Variants in AAK1 observed in about 807,000 individuals in gnomAD.
AAK1 encodes the protein AP2-associated protein kinase 1.
In AAK1, 37 loss-of-function variants were observed where a neutral mutation model predicts 116.0. The observed-to-expected ratio is 0.32, with a 90% CI of 0.25 to 0.42. AAK1 has a LOEUF of 0.42. Among genes scored for constraint, AAK1 ranks in the 10% least tolerant of loss-of-function variants. AAK1 has a pLI of 1.00. For synonymous variants in AAK1, 458 were observed against 439.9 expected, an observed-to-expected ratio of 1.04 and a Z score of -0.51; for missense variants, 919 against 1,170.6, an observed-to-expected ratio of 0.79 and a Z score of 3.14.
At position 69,522,230 on chromosome 2, in the gene AAK1, GAATATTTCCAAAGCATGTTTTGTCAA is replaced by G. The variant is rs1228084102; in HGVS notation, c.1056-1268_1056-1243del. Among the ~76,000 whole-genome samples, 7 of 152,294 alleles carry G rather than the reference GAATATTTCCAAAGCATGTTTTGTCAA, an allele frequency of 4.6e-5. No individual in the cohort carries two copies. The East Asian group carries it at 1.3e-3, about 29-fold the overall frequency. On this transcript the variant is annotated intron_variant, in intron 10 of 21. Coordinates refer to ENST00000409085, the MANE Select transcript of AAK1 (RefSeq NM_014911.5). ...TTAGGCCAAAATTAATAAGTTTCAA[GAATATTTCCAAAGCATGTTTTGTCAA>G]AATATTTCCAAAACAGCCTCCATGA...
Position 69,507,510 on chromosome 2 carries a change from C to A in AAK1, c.2075G>T (p.Gly692Val), listed in dbSNP as rs1324924697. The A allele has an allele frequency of 6.2e-7, 1 of 1,612,552 alleles. No homozygotes were observed. Among genetic ancestry groups the A allele is most frequent in the Non-Finnish European group, 8.5e-7 (1 of 1,179,326 alleles). The change falls in exon 15 of 22, where the codon GGG (glycine) becomes GTG (valine). Residue 692 changes from glycine to valine, a missense_variant. Physicochemically the swap from Gly to Val is moderately radical, Grantham distance 109. Around this residue, in one of 4 missense-constraint regions of AAK1, gnomAD observed 125 missense variants for 184.1 expected, o/e 0.68. Coordinates refer to ENST00000409085, the MANE Select transcript of AAK1 (RefSeq NM_014911.5). ...GTCATCAAAGGGATTCCACGTAGAC[C>A]CTTCTGAAGGATTATAAACGTTTTG... is the stretch of plus-strand genomic sequence containing the variant. ...SQQNVYNPSE[G>V]STWNPFDDDN...
intron 2 of AAK1, among the ~76,000 whole-genome samples, chr2:69,575,811 T>C (rs1558974049): frequency 6.6e-6 from 1 of 152,156 alleles, no homozygotes; most frequent in East Asian, 1.9e-4. Context: ...AGTATTTCAG[T>C]ATTGATTTTT....
At chr2:69,513,842 G>C (rs139622951) in intron 13 of AAK1, among the ~76,000 whole-genome samples, 2 of 152,164 alleles carry the variant, frequency 1.3e-5, no homozygotes, top group African/African-American at 4.8e-5. Context: ...AAACTGTAGA[G>C]GACAATCAGA....
intron 16 of AAK1, among the ~76,000 whole-genome samples, chr2:69,501,587 A>C (rs1402285444): frequency 6.6e-6 from 1 of 152,258 alleles, no homozygotes; most frequent in Non-Finnish European, 1.5e-5. Flanking sequence ...AATTGTGAAG[A>C]AAAACTCACA....
At chr2:69,556,669 T>TC (rs1671398935) in intron 3 of AAK1, among the ~76,000 whole-genome samples, 191 bp downstream of exon 3, 6 of 152,176 alleles carry the variant, frequency 3.9e-5, no homozygotes, top group Admixed American at 3.9e-4. Flanking sequence ...AAATGCTTTT[T>TC]CCTCTGCCCT....
At chr2:69,514,893 A>AT in intron 12 of AAK1, 144 bp from the exon 13 acceptor site, 1 of 871,202 alleles carries the variant, frequency 1.1e-6, no homozygotes, top group Non-Finnish European at 1.7e-6. Context: ...CTAAAATCTC[A>AT]TGATAGAGAC....
chr2:69,528,224 G>A, intron 8 of AAK1, among the ~76,000 whole-genome samples: 1 of 152,240 alleles, frequency 6.6e-6, no homozygotes, highest in East Asian at 1.9e-4. Flanking sequence ...AGAGAAGTCT[G>A]AGTGGGTGGA....
At chr2:69,603,168 C>T (rs1673652765) in intron 2 of AAK1, among the ~76,000 whole-genome samples, 1 of 152,108 alleles carries the variant, frequency 6.6e-6, no homozygotes, top group African/African-American at 2.4e-5. Flanking sequence ...ACATCTTTTC[C>T]TGATTTTTAA....
chr2:69,525,464 G>A (rs577010300), intron 9 of AAK1, among the ~76,000 whole-genome samples: 28 of 152,320 alleles, frequency 1.8e-4, no homozygotes, highest in Admixed American at 2.6e-4. Flanking sequence ...GCTATGAAAG[G>A]AATGGGAAGG....
chr2:69,603,625 C>T (rs975614775), intron 2 of AAK1, among the ~76,000 whole-genome samples: 7 of 152,064 alleles, frequency 4.6e-5, no homozygotes, highest in Non-Finnish European at 1.0e-4. Flanking sequence ...CTATGAAGGG[C>T]TCTGTGTAGA....
At chr2:69,642,754 G>A in intron 2 of AAK1, 124 bp downstream of exon 2, 1 of 1,316,376 alleles carries the variant, frequency 7.6e-7, no homozygotes, top group South Asian at 1.3e-5. Flanking sequence ...GACTCACAGG[G>A]CAAGTGAAGG....
chr2:69,621,804 CTTAG>C (rs749547372), intron 2 of AAK1, among the ~76,000 whole-genome samples: 3 of 152,336 alleles, frequency 2.0e-5, no homozygotes, highest in East Asian at 1.9e-4. Flanking sequence ...CCATCTCACC[CTTAG>C]TTAGGCACTC....
intron 16 of AAK1, among the ~76,000 whole-genome samples, chr2:69,504,397 C>CA (rs57214954): frequency 0.014 from 804 of 57,472 alleles, 7 homozygotes; most frequent in East Asian, 0.084. Context: ...GACTCCATCT[C>CA]AAAAAAAAAA....
At chr2:69,482,165 A>G (rs1174781581) in intron 18 of AAK1, 2 of 162,838 alleles carry the variant, frequency 1.2e-5, no homozygotes, top group Admixed American at 1.2e-4. Context: ...CAGCCTGACC[A>G]ACATGGAGAA....
At chr2:69,597,159 G>C (rs1348169250) in intron 2 of AAK1, among the ~76,000 whole-genome samples, 2 of 151,950 alleles carry the variant, frequency 1.3e-5, no homozygotes, top group Admixed American at 1.3e-4. Flanking sequence ...GTTTTATAAG[G>C]CATTTATGGC....
At chr2:69,582,107 T>C (rs1400614281) in intron 2 of AAK1, among the ~76,000 whole-genome samples, 1 of 152,216 alleles carries the variant, frequency 6.6e-6, no homozygotes, top group African/African-American at 2.4e-5. Context: ...ATTTACAAAA[T>C]ATGTATTACA....
At chr2:69,484,869 A>C (rs184177466) in intron 17 of AAK1, among the ~76,000 whole-genome samples, 1,866 of 147,814 alleles carry the variant, frequency 0.013, 34 homozygotes, top group African/African-American at 0.043. Flanking sequence ...AGTGAGTCTC[A>C]AAAAAAAAAA....
At chr2:69,632,576 A>G (rs920696400) in intron 2 of AAK1, among the ~76,000 whole-genome samples, 1 of 149,606 alleles carries the variant, frequency 6.7e-6, no homozygotes, top group South Asian at 2.1e-4. Flanking sequence ...TAGGCAAATC[A>G]CCTAATTTTC....
At chr2:69,623,593 C>T (rs928805461) in intron 2 of AAK1, among the ~76,000 whole-genome samples, 1 of 152,048 alleles carries the variant, frequency 6.6e-6, no homozygotes, top group African/African-American at 2.4e-5. Context: ...GTGGGAGGAC[C>T]GCTTGAGGTC....
Sources: gnomAD v4.1 joint callset for allele counts (sites outside exome capture counted in the v4.1 genomes callset) on GRCh38, gnomAD v4.1.1 for gene constraint, gnomAD v4.1.1 regional missense constraint, MANE v1.5 for transcripts, NCBI Gene and HGNC (gene_info 2026-07-23, HGNC 2026-07-21) for gene names.